FAM200B: variants seen among roughly 807,000 people sequenced by gnomAD.
FAM200B encodes the protein protein FAM200B.
FAM200B carries 32 observed loss-of-function variants against 33.1 expected under a neutral mutation model. That is an observed-to-expected ratio of 0.97 (90% CI 0.73 to 1.30). The LOEUF (loss-of-function observed/expected upper bound fraction) is 1.30. Ranked by LOEUF, FAM200B falls within the 50% of genes most tolerant of loss-of-function variation. The probability of loss-of-function intolerance (pLI) is 0.00; values close to 1 mark genes in which losing one functional copy is unlikely to be tolerated. For missense variants in FAM200B, 741 were observed against 754.0 expected (o/e 0.98, Z 0.20); for synonymous variants, 240 against 264.8 (o/e 0.91, Z 0.91).
the FAM200B span, among the ~76,000 whole-genome samples, chr4:15,651,264 G>C: frequency 6.6e-6 from 1 of 152,092 alleles, no homozygotes; most frequent in African/African-American, 2.4e-5. Context: ...ATAAGTAGCA[G>C]AACTAGTAAG....
At chr4:15,668,740 G>T in the FAM200B span, among the ~76,000 whole-genome samples, 1 of 152,114 alleles carries the variant, frequency 6.6e-6, no homozygotes, top group African/African-American at 2.4e-5. Context: ...CAAGTTCCCA[G>T]ACTAATTTCT....
chr4:15,657,416 T>C, the FAM200B span, among the ~76,000 whole-genome samples: 1 of 152,242 alleles, frequency 6.6e-6, no homozygotes, highest in South Asian at 2.1e-4. Flanking sequence ...TGCTATGTTG[T>C]CTTGTCCAAT....
At chr4:15,662,289 T>C in the FAM200B span, among the ~76,000 whole-genome samples, 36 of 152,184 alleles carry the variant, frequency 2.4e-4, no homozygotes, top group African/African-American at 8.2e-4. Context: ...CTACCAACTC[T>C]AGAGGGTAGT....
the FAM200B span, among the ~76,000 whole-genome samples, chr4:15,671,662 A>T: frequency 2.0e-5 from 3 of 152,120 alleles, no homozygotes; most frequent in African/African-American, 7.2e-5. Context: ...TTAAGCTATC[A>T]TTTCTTCAAA....
At chr4:15,668,455 TC>T in the FAM200B span, among the ~76,000 whole-genome samples, 2 of 125,554 alleles carry the variant, frequency 1.6e-5, no homozygotes, top group South Asian at 2.4e-4. Flanking sequence ...CAAATCACAT[TC>T]TTTTATTTTT....
chr4:15,655,454 C>A, the FAM200B span: 1 of 927,940 alleles, frequency 1.1e-6, no homozygotes, highest in African/African-American at 1.8e-5. Flanking sequence ...AGGCCGCCGC[C>A]ATGCGATCCC....
chr4:15,638,832 C>A, the FAM200B span: 1 of 577,234 alleles, frequency 1.7e-6, no homozygotes, highest in Non-Finnish European at 2.9e-6. Flanking sequence ...GCTGTCACCA[C>A]TGAGTTAGTT....
chr4:15,671,226 G>A, the FAM200B span, among the ~76,000 whole-genome samples: 1 of 151,580 alleles, frequency 6.6e-6, no homozygotes, highest in East Asian at 1.9e-4. Flanking sequence ...ACCTGGCCTG[G>A]GCATGTAATT....
chr4:15,659,293 T>C, the FAM200B span, among the ~76,000 whole-genome samples: 1 of 152,196 alleles, frequency 6.6e-6, no homozygotes, highest in African/African-American at 2.4e-5. Context: ...CAAACCAAAA[T>C]ACTCCTGTTA....
At chr4:15,666,853 T>C in the FAM200B span, among the ~76,000 whole-genome samples, 7 of 151,536 alleles carry the variant, frequency 4.6e-5, no homozygotes, top group African/African-American at 1.7e-4. Flanking sequence ...TAAGAGTAAA[T>C]TTCAAATGTC....
At chr4:15,679,562 C>CAA (rs1202369624), upstream of FAM200B, among the ~76,000 whole-genome samples, 182 of 94,380 alleles carry the variant, frequency 1.9e-3, no homozygotes, top group Middle Eastern at 6.3e-3. Context: ...AGTTCAGGAA[C>CAA]AAAAAAAAAA....
At position 15,686,401 on chromosome 4, in the gene FAM200B, A is replaced by G. The variant is rs1457963994; in HGVS notation, c.-577A>G. On this transcript the variant is annotated 5_prime_UTR_variant, in exon 2 of 2. Coordinates refer to ENST00000422728, the MANE Select transcript of FAM200B (RefSeq NM_001145191.2). ...ATTCCCACCACTTCAAGATGTTCTT[A>G]TACAAGTCAACAGTCTAGCAGATCA... 6.6e-6 allele frequency: 1 copy of G among 152,204 alleles called. No individual in the cohort carries two copies. The highest frequency in any genetic ancestry group is 1.5e-5 in the Non-Finnish European group (1 of 68,034). The allele number at this position is 152,204 out of a possible 1,614,324, so 9.4% of individuals were successfully genotyped here.
At chr4:15,643,515 T>G in the FAM200B span, among the ~76,000 whole-genome samples, 107 of 152,332 alleles carry the variant, frequency 7.0e-4, no homozygotes, top group African/African-American at 2.5e-3. Context: ...CCTCCCAGGT[T>G]CAAGCAACTC....
chr4:15,649,063 G>A, the FAM200B span, among the ~76,000 whole-genome samples: 1 of 151,720 alleles, frequency 6.6e-6, no homozygotes, highest in African/African-American at 2.4e-5. Flanking sequence ...AATTCTTGGT[G>A]GAGAATACAA....
the FAM200B span, among the ~76,000 whole-genome samples, chr4:15,644,195 C>T: frequency 6.6e-5 from 10 of 152,110 alleles, no homozygotes; most frequent in African/African-American, 2.2e-4. Flanking sequence ...AGCAAGAATC[C>T]CCTTGGCCTT....
intron 1 of FAM200B, among the ~76,000 whole-genome samples, chr4:15,682,907 T>G (rs1384735572): frequency 3.9e-5 from 6 of 152,206 alleles, no homozygotes; most frequent in Admixed American, 3.9e-4. Flanking sequence ...ATGGAGATCA[T>G]GTGATGAAGG....
Position 15,688,817 on chromosome 4 carries a change from G to T in FAM200B, c.1840G>T (p.Gly614Trp). Residue 614 changes from glycine to tryptophan, a missense_variant, in exon 2 of 2, where the codon GGG (glycine) becomes TGG (tryptophan). Coordinates refer to ENST00000422728, the MANE Select transcript of FAM200B (RefSeq NM_001145191.2). ...CACAACAACTAGTTTGTGTGAACTA[G>T]GGTTTTCCATCTTAACGCAGTTAAA... ...PFTTTSLCELGFSILTQLKTK... is the reference protein window; with the variant it reads ...PFTTTSLCELWFSILTQLKTK... The T allele has an allele frequency of 6.4e-7, 1 of 1,551,478 alleles. No homozygotes were observed. Among genetic ancestry groups the T allele is most frequent in the Non-Finnish European group, 8.7e-7 (1 of 1,146,846 alleles).
upstream of FAM200B, among the ~76,000 whole-genome samples, chr4:15,679,592 A>C (rs1718130820): frequency 6.6e-6 from 1 of 151,698 alleles, no homozygotes; most frequent in Admixed American, 6.6e-5. Flanking sequence ...AAAACAAAAA[A>C]CCAACACCCA....
chr4:15,675,530 T>G, the FAM200B span, among the ~76,000 whole-genome samples: 4 of 151,632 alleles, frequency 2.6e-5, no homozygotes, highest in Non-Finnish European at 5.9e-5. Flanking sequence ...CTCAAGGAGT[T>G]GAACCTTCAC....
Sources: gnomAD v4.1 joint callset for allele counts (sites outside exome capture counted in the v4.1 genomes callset) on GRCh38, gnomAD v4.1.1 for gene constraint, MANE v1.5 for transcripts, NCBI Gene and HGNC (gene_info 2026-07-23, HGNC 2026-07-21) for gene names.